TRPV6: variants seen among roughly 807,000 people sequenced by gnomAD.
TRPV6 encodes transient receptor potential cation channel subfamily V member 6.
Under a neutral mutation model 79.0 loss-of-function variants are expected in TRPV6, and 39 were observed. The ratio of observed to expected loss-of-function variants is 0.49; its 90% CI spans 0.38 to 0.64. The LOEUF (loss-of-function observed/expected upper bound fraction) is 0.64. Among genes scored for constraint, TRPV6 ranks in the 30% least tolerant of loss-of-function variants. The probability of loss-of-function intolerance (pLI) is 0.00; values close to 1 mark genes in which losing one functional copy is unlikely to be tolerated. For synonymous variants in TRPV6, 373 were observed against 391.9 expected, an observed-to-expected ratio of 0.95 and a Z score of 0.57; for missense variants, 813 against 1,011.1, an observed-to-expected ratio of 0.80 and a Z score of 2.66.
intron 1 of TRPV6, chr7:142,882,184 T>C (rs4987622): frequency 0.2 from 30,514 of 152,368 alleles, 6,364 homozygotes; most frequent in African/African-American, 0.53. Flanking sequence ...GGCTGGTACA[T>C]AACAGGGTTG....
chr7:142,880,296 C>G (rs1332278184), intron 1 of TRPV6: 1 of 152,236 alleles, frequency 6.6e-6, no homozygotes, highest in Non-Finnish European at 1.5e-5. Context: ...GCACCACATA[C>G]ACACACACAG....
Position 142,871,358 on chromosome 7 carries a change from C to T in TRPV6, c.*349G>A. On this transcript the variant is annotated 3_prime_UTR_variant, in exon 15 of 15. Coordinates refer to ENST00000359396, the MANE Select transcript of TRPV6 (RefSeq NM_018646.6). ...GCCTGGGTGCCCTGGGAAGGGCTCT[C>T]TCCCCACTTATGACCCTGGGGTGGA... The T allele has an allele frequency of 2.2e-6, 1 of 449,986 alleles. No individual in the cohort carries two copies. 27.9% of individuals were successfully genotyped at this position (449,986 alleles called of 1,614,324 possible). A position where few individuals can be genotyped will look rare whatever the true frequency, so the allele number is the denominator to read the frequency against.
At position 142,875,845 on chromosome 7, in the gene TRPV6, G is replaced by A. The variant is rs772628322; in HGVS notation, c.942C>T (p.Thr314=). ...TCTCTGTGAGGTCATAGAGAGTCGA[G>A]GTCAGTGGTCCATACGTCCACTGGG... The change falls in exon 7 of 15, where the codon ACC becomes ACT. Residue 314 remains threonine, a synonymous_variant. Coordinates refer to ENST00000359396, the MANE Select transcript of TRPV6 (RefSeq NM_018646.6). The A allele has an allele frequency of 6.2e-7, 1 of 1,611,040 alleles. No homozygotes were observed. The highest frequency in any genetic ancestry group is 8.5e-7 in the Non-Finnish European group (1 of 1,178,398).
Position 142,873,835 on chromosome 7 carries a change from G to T in TRPV6, c.1640-119C>A. The T allele has an allele frequency of 7.0e-7, 1 of 1,428,700 alleles. No individual in the cohort carries two copies. Among genetic ancestry groups the T allele is most frequent in the Non-Finnish European group, 9.6e-7 (1 of 1,042,452 alleles). The allele number at this position is 1,428,700 out of a possible 1,614,324, so 88.5% of individuals were successfully genotyped here. On this transcript the variant is annotated intron_variant, in intron 12 of 14. Coordinates refer to ENST00000359396, the MANE Select transcript of TRPV6 (RefSeq NM_018646.6). This position sits in a 1 kb window ranked among gnomAD's most constrained non-coding sequence, Gnocchi z 4.8. ...ATCTCAATATCACCAGCTCTGCAGT[G>T]CTCCAAACTTTGGGTTTTTACGGTC...
rs764086970 is a variant in TRPV6 at position 142,871,972 on chromosome 7, T to C, written c.2033A>G (p.Asp678Gly). The C allele has an allele frequency of 4.4e-6, 7 of 1,599,488 alleles. No homozygotes were observed. In the South Asian group the frequency reaches 7.9e-5, roughly 18 times the overall value. Residue 678 changes from aspartate to glycine, a missense_variant, in exon 15 of 15, where the codon GAT (aspartate) becomes GGT (glycine). By Grantham distance (94) the Asp-to-Gly change is moderately conservative. Around this residue, in one of 3 missense-constraint regions of TRPV6, gnomAD observed 164 missense variants for 186.1 expected, o/e 0.88. Coordinates refer to ENST00000359396, the MANE Select transcript of TRPV6 (RefSeq NM_018646.6). ...GCGTTGGATCCGCTGCCGGTTGAGATCTTGCCTGTCTTCCACCCTGTGGAA... is the reference window on the plus strand; with the variant it reads ...GCGTTGGATCCGCTGCCGGTTGAGACCTTGCCTGTCTTCCACCCTGTGGAA...
At chr7:142,877,853 C>T (rs920501716) in intron 2 of TRPV6, 76 bp downstream of exon 2, 27 of 1,612,558 alleles carry the variant, frequency 1.7e-5, no homozygotes, top group South Asian at 1.3e-4. Flanking sequence ...GCCAACAGCA[C>T]GAGGTCCTGG....
chr7:142,872,990 C>T (rs1207355625), intron 13 of TRPV6, among the ~76,000 whole-genome samples: 4 of 152,148 alleles, frequency 2.6e-5, no homozygotes, highest in Non-Finnish European at 5.9e-5. Context: ...TCATGGTCTT[C>T]TCTCCCTATC....
chr7:142,878,646 A>T (rs1196311571), intron 1 of TRPV6: 1 of 153,030 alleles, frequency 6.5e-6, no homozygotes, highest in African/African-American at 2.4e-5. Context: ...CCATAAGAAC[A>T]AGCCTGGCTC....
At chr7:142,874,178 A>T in intron 11 of TRPV6, 36 bp from the exon 12 acceptor site, 1 of 1,604,254 alleles carries the variant, frequency 6.2e-7, no homozygotes, top group Non-Finnish European at 8.5e-7. Context: ...ATCTGCACAC[A>T]TTCCCCAAGC....
At chr7:142,876,626 C>T (rs779087045) in intron 5 of TRPV6, 43 bp from the exon 6 acceptor site, 1 of 1,612,494 alleles carries the variant, frequency 6.2e-7, no homozygotes, top group Non-Finnish European at 8.5e-7. Context: ...GGCCTAAAGT[C>T]CCTGATGTCC....
rs1586185757 is a variant in TRPV6 at position 142,873,409 on chromosome 7, A to G, written c.1908+39T>C. The G allele has an allele frequency of 1.2e-6, 2 of 1,604,136 alleles. No homozygotes were observed. The highest frequency in any genetic ancestry group is 2.7e-5 in the African/African-American group (2 of 74,746). On this transcript the variant is annotated intron_variant, in intron 13 of 14. Coordinates refer to ENST00000359396, the MANE Select transcript of TRPV6 (RefSeq NM_018646.6). The surrounding 1 kb of genome is among the most constrained non-coding windows in gnomAD (Gnocchi z 4.8). ...TGGCAGGTTCCTTGGTAGGAAGGGG[A>G]TGACTTGCCCTAACCCTCCCTGCCA... is the stretch of plus-strand genomic sequence containing the variant.
In TRPV6 at chr7:142,885,569, G is replaced by C. The variant is rs1466201623; in HGVS notation, c.68C>G (p.Pro23Arg). 2 of 1,545,474 alleles carry C rather than the reference G, an allele frequency of 1.3e-6. No homozygotes were observed. The highest frequency in any genetic ancestry group is 8.7e-7 in the Non-Finnish European group (1 of 1,144,394). Residue 23 changes from proline to arginine, a missense_variant, in exon 1 of 15, where the codon CCC (proline) becomes CGC (arginine). Pro to Arg is a moderately radical substitution (Grantham distance 103). Coordinates refer to ENST00000359396, the MANE Select transcript of TRPV6 (RefSeq NM_018646.6). ...CTGAGGCCGAGGCCAGACCCTGACG[G>C]GACTCAGCCTTGGGGCCACATCAGC...
chr7:142,874,615 C>T lies in TRPV6; in HGVS notation c.1448G>A (p.Arg483Gln), dbSNP rs1586187108. The change falls in exon 11 of 15, where the codon CGG (arginine) becomes CAG (glutamine). Residue 483 changes from arginine (R) to glutamine (Q), a missense_variant. Physicochemically the swap from Arg to Gln is conservative, Grantham distance 43. Around this residue, in one of 3 missense-constraint regions of TRPV6, gnomAD observed 555 missense variants for 631.0 expected, o/e 0.88. Transcript: ENST00000359396. The stretch of plus-strand genomic sequence containing the variant: ...CACCTCCCCGCTGGCACTGATGAGC[C>T]GCATCACCATGGTCACCAGCACCAT... 3.1e-6 allele frequency: 5 copies of T among 1,613,948 alleles called. No individual in the cohort carries two copies. The highest frequency in any genetic ancestry group is 1.1e-5 in the South Asian group (1 of 91,080).
rs1794983654 is a variant in TRPV6, at chr7:142,873,310, A to G, written c.1908+138T>C. 1.7e-6 allele frequency: 2 copies of G among 1,208,932 alleles called. No homozygotes were observed. Among genetic ancestry groups the G allele is most frequent in the African/African-American group, 1.5e-5 (1 of 66,964 alleles). The allele number at this position is 1,208,932 out of a possible 1,614,324, so 74.9% of individuals were successfully genotyped here. On this transcript the variant is annotated intron_variant, in intron 13 of 14. Transcript: ENST00000359396. This position sits in a 1 kb window ranked among gnomAD's most constrained non-coding sequence, Gnocchi z 4.8. Reference sequence around the variant, plus strand: ...GAATTGCTAATCAGTGCTTCTGTACATTTTGCATGATTTTGCTAGCTTTGC... The same window carrying G: ...GAATTGCTAATCAGTGCTTCTGTACGTTTTGCATGATTTTGCTAGCTTTGC...
chr7:142,873,807 T>C lies in TRPV6; in HGVS notation c.1640-91A>G. 4 of 1,536,054 alleles carry C rather than the reference T, an allele frequency of 2.6e-6. No homozygotes were observed. Among genetic ancestry groups the C allele is most frequent in the Non-Finnish European group, 3.6e-6 (4 of 1,121,298 alleles). ...CTGCGTGCATGTCCATCCTGGTCCC[T>C]TCATCTCAATATCACCAGCTCTGCA... On this transcript the variant is annotated intron_variant, in intron 12 of 14. Transcript: ENST00000359396. This position sits in a 1 kb window ranked among gnomAD's most constrained non-coding sequence, Gnocchi z 4.8.
intron 8 of TRPV6, 57 bp downstream of exon 8, chr7:142,875,411 C>T: frequency 6.7e-7 from 1 of 1,503,558 alleles, no homozygotes; most frequent in African/African-American, 1.4e-5. Flanking sequence ...GGACACCAGT[C>T]TCTGAGGACA....
chr7:142,878,416 C>T (rs1045965222), intron 1 of TRPV6: 2 of 238,422 alleles, frequency 8.4e-6, no homozygotes, highest in Non-Finnish European at 1.6e-5. Context: ...TCACCAGGTG[C>T]CCTGAGATTG....
In TRPV6 at chr7:142,875,593, C is replaced by T. The variant is rs770492295; in HGVS notation, c.1117G>A (p.Gly373Ser). 6 of 1,613,590 alleles carry T rather than the reference C, an allele frequency of 3.7e-6. No individual in the cohort carries two copies. Among genetic ancestry groups the T allele is most frequent in the Non-Finnish European group, 5.1e-6 (6 of 1,179,986 alleles). ...ATGATGTACAGCAGATATATGGCAC[C>T]CAGCATGCAGAAGTACGGCCGCCCG... Residue 373 changes from glycine (G) to serine (S), a missense_variant, in exon 8 of 15, where the codon GGT (glycine) becomes AGT (serine). Around this residue, in one of 3 missense-constraint regions of TRPV6, gnomAD observed 555 missense variants for 631.0 expected, o/e 0.88. Transcript: ENST00000359396.
intron 1 of TRPV6, chr7:142,880,397 T>C (rs1390512891): frequency 6.6e-6 from 1 of 152,236 alleles, no homozygotes; most frequent in Non-Finnish European, 1.5e-5. Context: ...TCTGTGTCCC[T>C]TCCTCTATGC....
Sources: allele counts gnomAD v4.1 joint callset (sites outside exome capture counted in the v4.1 genomes callset), GRCh38; gene constraint gnomAD v4.1.1; regional missense constraint gnomAD v4.1.1; non-coding constraint Gnocchi (gnomAD v3.1); transcripts MANE v1.5; gene names NCBI Gene and HGNC (gene_info 2026-07-23, HGNC 2026-07-21).